WHAMM: variants seen among roughly 807,000 people sequenced by gnomAD.
The protein encoded by WHAMM is WASP homolog associated with actin, golgi membranes and microtubules.
WHAMM carries 67 observed loss-of-function variants against 76.5 expected under a neutral mutation model. That is an observed-to-expected ratio of 0.88 (90% CI 0.72 to 1.07). WHAMM has a LOEUF of 1.07. WHAMM is among the 50% of genes least tolerant of loss of function. The probability of loss-of-function intolerance (pLI) is 0.00; values close to 1 mark genes in which losing one functional copy is unlikely to be tolerated. For synonymous variants in WHAMM, 419 were observed against 422.1 expected (o/e 0.99, Z 0.09); for missense variants, 1,021 against 1,051.1 (o/e 0.97, Z 0.40).
chr15:82,826,105 G>A (rs1416496841), intron 6 of WHAMM, among the ~76,000 whole-genome samples: 1 of 152,216 alleles, frequency 6.6e-6, no homozygotes, highest in African/African-American at 2.4e-5. Context: ...TGTTTAAACA[G>A]TCACATTAAA....
At chr15:82,825,934 T>C (rs148102745) in intron 6 of WHAMM, among the ~76,000 whole-genome samples, 62 of 152,354 alleles carry the variant, frequency 4.1e-4, no homozygotes, top group African/African-American at 1.3e-3. Context: ...ATTTTTTACA[T>C]AGATGAAGGA....
At position 82,833,766 on chromosome 15, in the gene WHAMM, C is replaced by T. The variant is rs528726953; in HGVS notation, c.*230C>T. 1.6e-5 allele frequency: 8 copies of T among 506,920 alleles called. No individual in the cohort carries two copies. The highest frequency in any genetic ancestry group is 5.2e-4 in the Middle Eastern group (1 of 1,912). 31.4% of individuals were successfully genotyped at this position (506,920 alleles called of 1,614,324 possible). A position where few individuals can be genotyped will look rare whatever the true frequency, so the allele number is the denominator to read the frequency against. ...GTGCAGTGGCGCCATCTCGGCTCAC[C>T]GCAAGCTCCGCTTCCCAGGCTGGGG... is the stretch of plus-strand genomic sequence containing the variant. On this transcript the variant is annotated 3_prime_UTR_variant, in exon 10 of 10. Coordinates refer to ENST00000286760, the MANE Select transcript of WHAMM (RefSeq NM_001080435.3).
chr15:82,822,919 T>C (rs2050858566), intron 5 of WHAMM, among the ~76,000 whole-genome samples, 181 bp from the exon 6 acceptor site: 1 of 152,070 alleles, frequency 6.6e-6, no homozygotes, highest in Non-Finnish European at 1.5e-5. Flanking sequence ...TACATGTATA[T>C]AGTCATGTAT....
At chr15:82,818,156 A>G in intron 4 of WHAMM, 67 bp downstream of exon 4, 2 of 1,487,620 alleles carry the variant, frequency 1.3e-6, no homozygotes, top group Non-Finnish European at 1.8e-6. Context: ...TTTTGTATAA[A>G]TAAAGGATAC....
In WHAMM at chr15:82,819,465, ACT is replaced by A. The variant is rs762218897; in HGVS notation, c.1252_1253del (p.Leu418Ter). On this transcript the variant is annotated frameshift_variant, in exon 5 of 10. Coordinates refer to ENST00000286760, the MANE Select transcript of WHAMM (RefSeq NM_001080435.3). LOFTEE classifies it high-confidence loss of function. ...GAAATACTGCTTACTACACAGTTGG[ACT>A]CTCTTAAAAGACTTATAAAAGGTAA... 1.2e-5 allele frequency: 15 copies of A among 1,263,394 alleles called. No homozygotes were observed. The East Asian group carries it at 1.8e-4, about 15-fold the overall frequency. The allele number at this position is 1,263,394 out of a possible 1,614,324, so 78.3% of individuals were successfully genotyped here.
rs1166506778 is a variant in WHAMM, at chr15:82,809,829, A to G, written c.103A>G (p.Asn35Asp). The change falls in exon 1 of 10, where the codon AAC (asparagine) becomes GAC (aspartate). Residue 35 changes from asparagine (N) to aspartate (D), a missense_variant. This residue lies in a region of WHAMM where 501 missense variants were observed against 524.9 expected (regional missense o/e 0.95). Transcript: ENST00000286760. ...CCGGCTGCGCTTCCTGGTGGCCTGG[A>G]ACGGCGCGGAGGGCAAGTTCGCTGT... Reference protein sequence around the residue: ...RHRLRFLVAWNGAEGKFAVTC... With the variant: ...RHRLRFLVAWDGAEGKFAVTC... The G allele has an allele frequency of 6.2e-7, 1 of 1,605,312 alleles. No homozygotes were observed. Among genetic ancestry groups the G allele is most frequent in the Non-Finnish European group, 8.5e-7 (1 of 1,176,964 alleles).
intron 9 of WHAMM, among the ~76,000 whole-genome samples, chr15:82,832,886 C>T (rs191899152): frequency 7.2e-5 from 11 of 152,286 alleles, no homozygotes; most frequent in African/African-American, 2.6e-4. Flanking sequence ...GACTATTCCA[C>T]CCCAGGCCTC....
At position 82,813,154 on chromosome 15, in the gene WHAMM, T is replaced by G; in HGVS notation, c.661T>G (p.Tyr221Asp). ...CACCATGGTAGCATTAATGAACGTT[T>G]ACCAAGAGGAAGATGAAGCATACCA... ...ANTMVALMNVYQEEDEAYQEL... is the reference protein window; with the variant it reads ...ANTMVALMNVDQEEDEAYQEL... The change falls in exon 2 of 10, where the codon TAC (tyrosine) becomes GAC (aspartate). Residue 221 changes from tyrosine (Y) to aspartate (D), a missense_variant. Around this residue, in one of 3 missense-constraint regions of WHAMM, gnomAD observed 501 missense variants for 524.9 expected, o/e 0.95. Coordinates refer to ENST00000286760, the MANE Select transcript of WHAMM (RefSeq NM_001080435.3). 6.2e-7 allele frequency: 1 copy of G among 1,609,888 alleles called. No homozygotes were observed. Among genetic ancestry groups the G allele is most frequent in the South Asian group, 1.1e-5 (1 of 89,866 alleles).
intron 9 of WHAMM, among the ~76,000 whole-genome samples, chr15:82,831,519 T>C (rs2051032144): frequency 6.6e-6 from 1 of 152,228 alleles, no homozygotes; most frequent in African/African-American, 2.4e-5. Context: ...GAAATTACTG[T>C]AGAGGCATAC....
intron 8 of WHAMM, among the ~76,000 whole-genome samples, chr15:82,830,186 C>G (rs1379132720): frequency 1.4e-5 from 2 of 146,170 alleles, no homozygotes; most frequent in Non-Finnish European, 3.0e-5. Context: ...CTATTTATCA[C>G]TTTTTATGGC....
chr15:82,814,444 A>G (rs1207051225), intron 2 of WHAMM, among the ~76,000 whole-genome samples: 1 of 151,880 alleles, frequency 6.6e-6, no homozygotes, highest in African/African-American at 2.4e-5. Flanking sequence ...TCTTGCATAC[A>G]TTTTTCCTTT....
At chr15:82,823,976 TAAC>T (rs1477861223) in intron 6 of WHAMM, among the ~76,000 whole-genome samples, 2 of 152,150 alleles carry the variant, frequency 1.3e-5, no homozygotes, top group African/African-American at 4.8e-5. Context: ...GAATTACAGA[TAAC>T]AATATTCAGC....
intron 3 of WHAMM, 34 bp downstream of exon 3, chr15:82,816,876 T>C: frequency 6.5e-7 from 1 of 1,532,618 alleles, no homozygotes; most frequent in Non-Finnish European, 8.8e-7. Context: ...TGAAGATACA[T>C]GTAATTGATT....
In WHAMM at chr15:82,810,168, C is replaced by T; in HGVS notation, c.442C>T (p.Gln148Ter). Reference sequence around the variant, plus strand: ...GGCGGCGCTGCAGGAGCTGTGCGGGCAGCTGGAACGCTATCTGGGCGCGGC... The same window carrying T: ...GGCGGCGCTGCAGGAGCTGTGCGGGTAGCTGGAACGCTATCTGGGCGCGGC... Reference protein sequence around the residue: ...GEAALQELCGQLERYLGAAAD... With the variant: ...GEAALQELCG Residue 148 changes from glutamine to a stop codon, truncating the protein, a stop_gained, in exon 1 of 10, where the codon CAG becomes TAG. Transcript: ENST00000286760. LOFTEE classifies it high-confidence loss of function. 1 of 1,400,918 alleles carries T rather than the reference C, an allele frequency of 7.1e-7. No homozygotes were observed. Among genetic ancestry groups the T allele is most frequent in the Non-Finnish European group, 9.3e-7 (1 of 1,072,958 alleles). The allele number at this position is 1,400,918 out of a possible 1,614,324, so 86.8% of individuals were successfully genotyped here.
chr15:82,816,046 T>G (rs1439915284), intron 2 of WHAMM, among the ~76,000 whole-genome samples: 1 of 152,184 alleles, frequency 6.6e-6, no homozygotes, highest in Non-Finnish European at 1.5e-5. Context: ...TCTTGCTGTG[T>G]CTTCGCATGG....
At chr15:82,810,379 C>T in intron 1 of WHAMM, 44 bp downstream of exon 1, 1 of 1,267,742 alleles carries the variant, frequency 7.9e-7, no homozygotes, top group Non-Finnish European at 9.9e-7. Flanking sequence ...GCTTCCATGG[C>T]CTGGGACACT....
chr15:82,820,022 G>A (rs1211000280), intron 5 of WHAMM, among the ~76,000 whole-genome samples: 44 of 146,078 alleles, frequency 3.0e-4, no homozygotes, highest in African/African-American at 9.4e-4. Flanking sequence ...ACTCCATCTT[G>A]AAAAGGAAAA....
At chr15:82,810,511 C>A (rs1461147949) in intron 1 of WHAMM, 176 bp downstream of exon 1, 1 of 985,272 alleles carries the variant, frequency 1.0e-6, no homozygotes. Context: ...GGGAAACCGG[C>A]GGGAGCTGCG....
rs1336787161 is a variant in WHAMM at position 82,817,989 on chromosome 15, G to C, written c.1004G>C (p.Arg335Thr). ...GQAAWATAIP[R>T]LEKLQLMLAR... ...GCTGCCTGGGCCACAGCAATTCCCA[G>C]GTTGGAAAAACTTCAGCTAATGCTA... is the stretch of plus-strand genomic sequence containing the variant. Residue 335 changes from arginine (R) to threonine (T), a missense_variant, in exon 4 of 10, where the codon AGG becomes ACG. Transcript: ENST00000286760. 8 of 1,548,908 alleles carry C rather than the reference G, an allele frequency of 5.2e-6. No homozygotes were observed. The East Asian group carries it at 2.0e-4, about 38-fold the overall frequency.
Sources: gnomAD v4.1 joint callset for allele counts (sites outside exome capture counted in the v4.1 genomes callset) on GRCh38, gnomAD v4.1.1 for gene constraint, gnomAD v4.1.1 regional missense constraint, MANE v1.5 for transcripts, NCBI Gene and HGNC (gene_info 2026-07-23, HGNC 2026-07-21) for gene names.